The following MYH15 variants were observed in gnomAD, a reference collection of about 807,000 sequenced individuals.
MYH15 encodes the protein myosin heavy chain 15.
In MYH15, 227 loss-of-function variants were observed where a neutral mutation model predicts 240.5. That is an observed-to-expected ratio of 0.94 (90% CI 0.85 to 1.05). The LOEUF (loss-of-function observed/expected upper bound fraction) is 1.05, where lower values mean the gene tolerates loss of function less well. Ranked by LOEUF, MYH15 falls within the 50% of genes least tolerant of loss-of-function variation. MYH15 has a pLI of 0.00. For missense variants in MYH15, 2,217 were observed against 2,247.5 expected, an observed-to-expected ratio of 0.99 and a Z score of 0.27; for synonymous variants, 785 against 796.7, an observed-to-expected ratio of 0.99 and a Z score of 0.25.
At chr3:108,518,779 C>T (rs775061910) in intron 1 of MYH15, among the ~76,000 whole-genome samples, 2 of 152,226 alleles carry the variant, frequency 1.3e-5, no homozygotes, top group South Asian at 2.1e-4. Flanking sequence ...CAGTAAGCAA[C>T]ATTTCTACAA....
At position 108,384,691 on chromosome 3, in the gene MYH15, A is replaced by C. The variant is rs773872034; in HGVS notation, c.5627T>G (p.Val1876Gly). 1 of 1,613,322 alleles carries C rather than the reference A, an allele frequency of 6.2e-7. No homozygotes were observed. Among genetic ancestry groups the C allele is most frequent in the Non-Finnish European group, 8.5e-7 (1 of 1,179,516 alleles). Residue 1876 changes from valine (V) to glycine (G), a missense_variant, in exon 39 of 41, where the codon GTG (valine) becomes GGG (glycine). By Grantham distance (109) the Val-to-Gly change is moderately radical (BLOSUM62 -3). Transcript: ENST00000693548. ...GAAACTTCCCCAGGCACTCACCGCC[A>C]CCTCGACTTGCTGCTTGTAATTTTG... The part of the protein sequence containing the change: ...KVQNYKQQVE[V>G]AETQANQYLS...
Position 108,428,473 on chromosome 3 carries a change from A to G in MYH15, c.3702+19T>C, listed in dbSNP as rs756065023. 6 of 1,581,732 alleles carry G rather than the reference A, an allele frequency of 3.8e-6. No individual in the cohort carries two copies. The highest frequency in any genetic ancestry group is 1.9e-4 in the Middle Eastern group (1 of 5,166). On this transcript the variant is annotated intron_variant, in intron 27 of 40. Transcript: ENST00000693548. ...CTTCCATGTTCAGAAGACCACGAGG[A>G]TGGCATGGGAGTATCTACCTTAGCT...
rs747259399 is a variant in MYH15 at position 108,501,706 on chromosome 3, A to G, written c.339+6T>C. ...TGACAGTTTAGCAGGAAAGCATATT[A>G]CACACATAGATCATCCACTGGCCAT... On this transcript the variant is annotated splice_donor_region_variant and intron_variant, in intron 3 of 40. Transcript: ENST00000693548. 6.2e-7 allele frequency: 1 copy of G among 1,613,980 alleles called. No homozygotes were observed. Among genetic ancestry groups the G allele is most frequent in the Non-Finnish European group, 8.5e-7 (1 of 1,179,900 alleles).
chr3:108,477,102 AT>A, intron 11 of MYH15, among the ~76,000 whole-genome samples: 1 of 152,348 alleles, frequency 6.6e-6, no homozygotes, highest in South Asian at 2.1e-4. Context: ...GGATTAAAAA[AT>A]GTGGTATACT....
intron 1 of MYH15, among the ~76,000 whole-genome samples, chr3:108,506,150 T>C (rs1228893675): frequency 6.6e-6 from 1 of 152,108 alleles, no homozygotes; most frequent in Admixed American, 6.6e-5. Flanking sequence ...ACTTTGGTGG[T>C]TGCCCTGGTG....
At chr3:108,524,835 C>T (rs764756116) in intron 1 of MYH15, among the ~76,000 whole-genome samples, 1 of 151,994 alleles carries the variant, frequency 6.6e-6, no homozygotes, top group Non-Finnish European at 1.5e-5. Flanking sequence ...CAGGTTTCTT[C>T]TGTCTTGATC....
At chr3:108,529,357 C>A, upstream of MYH15, 1 of 1,075,924 alleles carries the variant, frequency 9.3e-7, no homozygotes, top group South Asian at 1.4e-5. Flanking sequence ...GAATGATAGC[C>A]AGGAAGGCAA....
intron 11 of MYH15, among the ~76,000 whole-genome samples, chr3:108,480,416 TG>T (rs1479630502): frequency 6.6e-6 from 1 of 152,180 alleles, no homozygotes; most frequent in African/African-American, 2.4e-5. Context: ...GGGTGACTTC[TG>T]GTCGCAGAAG....
intron 2 of MYH15, among the ~76,000 whole-genome samples, chr3:108,503,623 T>C (rs1031051378): frequency 3.3e-5 from 5 of 152,096 alleles, no homozygotes; most frequent in Admixed American, 6.5e-5. Flanking sequence ...TCATGCCCAA[T>C]AGAATGGCTG....
chr3:108,411,310 C>T (rs1038521558), intron 30 of MYH15, among the ~76,000 whole-genome samples: 1 of 152,204 alleles, frequency 6.6e-6, no homozygotes, highest in Non-Finnish European at 1.5e-5. Context: ...AAGCACCTTA[C>T]AAATCTGTAG....
At chr3:108,435,115 T>C (rs931178243) in intron 25 of MYH15, among the ~76,000 whole-genome samples, 2 of 152,236 alleles carry the variant, frequency 1.3e-5, no homozygotes, top group Admixed American at 6.5e-5. Context: ...TTTATATTTG[T>C]TACAAATTTT....
At chr3:108,455,899 C>T in intron 19 of MYH15, 40 bp from the exon 20 acceptor site, 13 of 1,573,254 alleles carry the variant, frequency 8.3e-6, no homozygotes, top group Non-Finnish European at 7.9e-6. Context: ...TTTGGGAAAT[C>T]ATATTATTCA....
intron 37 of MYH15, 72 bp from the exon 38 acceptor site, chr3:108,389,146 T>C: frequency 1.5e-6 from 2 of 1,358,784 alleles, no homozygotes; most frequent in South Asian, 2.4e-5. Flanking sequence ...ATTGGCACAA[T>C]CATTTGAAAG....
At chr3:108,407,785 A>G (rs186311249) in intron 32 of MYH15, among the ~76,000 whole-genome samples, 94 of 152,352 alleles carry the variant, frequency 6.2e-4, no homozygotes, top group African/African-American at 2.1e-3. Flanking sequence ...CATTTGACAA[A>G]TATTTACTGA....
Position 108,470,161 on chromosome 3 carries a change from G to A in MYH15, c.1435C>T (p.Gln479Ter). The change falls in exon 14 of 41, where the codon CAA becomes TAA. Residue 479 changes from glutamine (Q) to a stop codon, truncating the protein, a stop_gained. Coordinates refer to ENST00000693548, the MANE Select transcript of MYH15 (RefSeq NM_014981.3). LOFTEE classifies it high-confidence loss of function. ...ACAAACATGTGCCAATTGAAGAATT[G>A]TTGTAATTTTTCATTGGTAAAATTA... ...CINFTNEKLQ[Q>*]FFNWHMFVLE... 3 of 1,608,958 alleles carry A rather than the reference G, an allele frequency of 1.9e-6. No individual in the cohort carries two copies. Among genetic ancestry groups the A allele is most frequent in the Non-Finnish European group, 2.5e-6 (3 of 1,177,718 alleles).
chr3:108,523,551 T>C (rs2083640291), intron 1 of MYH15, among the ~76,000 whole-genome samples: 1 of 151,970 alleles, frequency 6.6e-6, no homozygotes, highest in Non-Finnish European at 1.5e-5. Context: ...TAATTTTACA[T>C]ATCAAGAAGT....
intron 11 of MYH15, among the ~76,000 whole-genome samples, chr3:108,478,907 A>G (rs759299669): frequency 2.2e-4 from 33 of 152,262 alleles, no homozygotes; most frequent in Middle Eastern, 3.4e-3. Context: ...AGCATCTAAC[A>G]TTACAGGATT....
rs754509049 is a variant in MYH15 at position 108,391,753 on chromosome 3, C to T, written c.5430+7G>A. The T allele has an allele frequency of 6.2e-7, 1 of 1,612,594 alleles. No individual in the cohort carries two copies. The highest frequency in any genetic ancestry group is 8.5e-7 in the Non-Finnish European group (1 of 1,179,290). On this transcript the variant is annotated splice_region_variant and intron_variant, in intron 37 of 40. Coordinates refer to ENST00000693548, the MANE Select transcript of MYH15 (RefSeq NM_014981.3). Reference sequence around the variant, plus strand: ...TGTCAAGCCCTCATGATTACCCAGACTCCTACCCTGGATTCTAGTTTCTGG... The same window carrying T: ...TGTCAAGCCCTCATGATTACCCAGATTCCTACCCTGGATTCTAGTTTCTGG...
At chr3:108,386,353 C>A (rs751298657) in intron 38 of MYH15, among the ~76,000 whole-genome samples, 1 of 152,156 alleles carries the variant, frequency 6.6e-6, no homozygotes, top group Non-Finnish European at 1.5e-5. Flanking sequence ...TGACTATGCA[C>A]GTCCTAGATT....
Sources: gnomAD v4.1 joint callset for allele counts (sites outside exome capture counted in the v4.1 genomes callset) on GRCh38, gnomAD v4.1.1 for gene constraint, MANE v1.5 for transcripts, NCBI Gene and HGNC (gene_info 2026-07-23, HGNC 2026-07-21) for gene names.